The following TMEM270 variants were observed in gnomAD, a reference collection of about 807,000 sequenced individuals.
TMEM270 encodes Williams-Beuren syndrome chromosome region 28.
Under a neutral mutation model 29.9 loss-of-function variants are expected in TMEM270, and 30 were observed. That is an observed-to-expected ratio of 1.00 (90% CI 0.75 to 1.36). The LOEUF (loss-of-function observed/expected upper bound fraction) is 1.36, where lower values mean the gene tolerates loss of function less well. Ranked by LOEUF, TMEM270 falls within the 40% of genes most tolerant of loss-of-function variation. TMEM270 has a pLI of 0.00. For missense variants in TMEM270, 313 were observed against 307.1 expected, an observed-to-expected ratio of 1.02 and a Z score of -0.14; for synonymous variants, 135 against 139.8, an observed-to-expected ratio of 0.97 and a Z score of 0.24.
chr7:73,861,102 C>A, upstream of TMEM270: 1 of 1,312,482 alleles, frequency 7.6e-7, no homozygotes, highest in Non-Finnish European at 1.1e-6. Context: ...TCACTGGCGG[C>A]AACCGGGTCC....
At chr7:73,864,114 CAAAAAAA>C (rs34181696) in intron 1 of TMEM270, among the ~76,000 whole-genome samples, 79 of 81,006 alleles carry the variant, frequency 9.8e-4, no homozygotes, top group African/African-American at 3.6e-3. Context: ...CCCGCCTCTA[CAAAAAAA>C]AAAAAAAAAA....
At chr7:73,862,534 A>G (rs1788811340) in intron 1 of TMEM270, among the ~76,000 whole-genome samples, 1 of 151,526 alleles carries the variant, frequency 6.6e-6, no homozygotes, top group Non-Finnish European at 1.5e-5. Flanking sequence ...ATCATATAAC[A>G]GGGGGCAGTT....
chr7:73,861,505 A>G (rs1788784227), intron 1 of TMEM270: 2 of 635,746 alleles, frequency 3.1e-6, no homozygotes, highest in African/African-American at 1.8e-5. Context: ...CCTGGAGCGC[A>G]GTGGTGCCGG....
intron 1 of TMEM270, among the ~76,000 whole-genome samples, chr7:73,862,125 T>TC (rs1788801363): frequency 1.3e-5 from 2 of 151,440 alleles, no homozygotes; most frequent in Admixed American, 6.6e-5. Flanking sequence ...TTTTTTTTTT[T>TC]CAGATGCAGT....
At position 73,865,437 on chromosome 7, in the gene TMEM270, G is replaced by A; in HGVS notation, c.501+16G>A. The A allele has an allele frequency of 6.2e-7, 1 of 1,601,034 alleles. No individual in the cohort carries two copies. Among genetic ancestry groups the A allele is most frequent in the Non-Finnish European group, 8.5e-7 (1 of 1,172,830 alleles). ...GCTCAGTAAGGTGGGTGGTCTCGGG[G>A]TGAGGCTGGGGTGTGGAGGGCAAAC... On this transcript the variant is annotated intron_variant, in intron 2 of 2. Coordinates refer to ENST00000320531, the MANE Select transcript of TMEM270 (RefSeq NM_182504.4).
chr7:73,865,501 A>G (rs1308624318), intron 2 of TMEM270, 76 bp from the exon 3 acceptor site: 4 of 1,578,702 alleles, frequency 2.5e-6, no homozygotes, highest in Non-Finnish European at 3.4e-6. Context: ...CTGGGCTTGC[A>G]GGGGGGAGCC....
Position 73,865,329 on chromosome 7 carries a change from G to A in TMEM270, c.409G>A (p.Gly137Ser), listed in dbSNP as rs73142829. 0.046 allele frequency: 74,805 copies of A among 1,613,500 alleles called. 2,029 individuals are homozygous for A. Among genetic ancestry groups the A allele is most frequent in the Non-Finnish European group, 0.052 (61,239 of 1,179,988 alleles). ...AGATCTGTTTTTGTCATGTCTGCAC[G>A]GCCTGATGTTGGTGGCCTTGCTCTT... ...WTDLFLSCLH[G>S]LMLVALLLVV... Residue 137 changes from glycine to serine, a missense_variant, in exon 2 of 3, where the codon GGC (glycine) becomes AGC (serine). Gly to Ser is a moderately conservative substitution (Grantham distance 56). Coordinates refer to ENST00000320531, the MANE Select transcript of TMEM270 (RefSeq NM_182504.4).
At chr7:73,865,491 C>A in intron 2 of TMEM270, 70 bp downstream of exon 2, 2 of 1,580,056 alleles carry the variant, frequency 1.3e-6, no homozygotes, top group East Asian at 4.5e-5. Flanking sequence ...TCAGGGCTGG[C>A]TGGGCTTGCA....
intron 1 of TMEM270, chr7:73,861,710 G>A: frequency 3.6e-6 from 1 of 278,612 alleles, no homozygotes; most frequent in East Asian, 9.3e-5. Context: ...GCTTCCTGAG[G>A]TGCTGGGATT....
chr7:73,865,560 C>A lies in TMEM270; in HGVS notation c.502-17C>A. ...GAGCTCCTAAGGGCCACCTGCCCAT[C>A]TGTCTCCCTGTTCCAGGCCTTGCAA... On this transcript the variant is annotated splice_polypyrimidine_tract_variant and intron_variant, in intron 2 of 2. Transcript: ENST00000320531. The A allele has an allele frequency of 6.2e-7, 1 of 1,610,256 alleles. No individual in the cohort carries two copies. The highest frequency in any genetic ancestry group is 1.1e-5 in the South Asian group (1 of 90,690).
At chr7:73,862,442 G>A (rs1445815299) in intron 1 of TMEM270, among the ~76,000 whole-genome samples, 1 of 151,816 alleles carries the variant, frequency 6.6e-6, no homozygotes, top group Non-Finnish European at 1.5e-5. Flanking sequence ...GCTTGTGGTC[G>A]GGGTCACAAC....
At chr7:73,862,102 ATCTC>A (rs1380692929) in intron 1 of TMEM270, among the ~76,000 whole-genome samples, 10 of 141,426 alleles carry the variant, frequency 7.1e-5, no homozygotes, top group African/African-American at 2.6e-4. Context: ...TGGCTCATTC[ATCTC>A]TCTCTCTTTT....
At chr7:73,863,514 C>T (rs1413370806) in intron 1 of TMEM270, among the ~76,000 whole-genome samples, 6 of 152,090 alleles carry the variant, frequency 3.9e-5, no homozygotes, top group Middle Eastern at 6.8e-3. Flanking sequence ...CTCAGCCTCC[C>T]GAGTAGCTGG....
Position 73,865,030 on chromosome 7 carries a change from T to A in TMEM270, c.110T>A (p.Leu37His), listed in dbSNP as rs1276114202. 7.9e-6 allele frequency: 12 copies of A among 1,514,096 alleles called. No individual in the cohort carries two copies. The highest frequency in any genetic ancestry group is 1.1e-5 in the Non-Finnish European group (12 of 1,131,024). 93.8% of individuals were successfully genotyped at this position (1,514,096 alleles called of 1,614,324 possible). The part of the protein sequence containing the change: ...QNRDHLYNFL[L>H]LKINLFNHWV... ...CGAGATCACCTCTATAATTTCCTGC[T>A]CCTCAAGATCAACCTCTTCAACCAC... Residue 37 changes from leucine to histidine, a missense_variant, in exon 2 of 3, where the codon CTC (leucine) becomes CAC (histidine). Transcript: ENST00000320531.
intron 1 of TMEM270, 115 bp from the exon 2 acceptor site, chr7:73,864,878 G>A: frequency 2.1e-6 from 2 of 960,668 alleles, no homozygotes; most frequent in Non-Finnish European, 2.9e-6. Flanking sequence ...ATTCCAGCCT[G>A]GGCAACAAGA....
At chr7:73,863,832 C>T (rs560160153) in intron 1 of TMEM270, among the ~76,000 whole-genome samples, 1 of 152,238 alleles carries the variant, frequency 6.6e-6, no homozygotes, top group African/African-American at 2.4e-5. Flanking sequence ...CTCCTGATGC[C>T]AGGGGACAAC....
In TMEM270 at chr7:73,865,557, C is replaced by A. The variant is rs1788889582; in HGVS notation, c.502-20C>A. ...TATGAGCTCCTAAGGGCCACCTGCC[C>A]ATCTGTCTCCCTGTTCCAGGCCTTG... On this transcript the variant is annotated intron_variant, in intron 2 of 2. Coordinates refer to ENST00000320531, the MANE Select transcript of TMEM270 (RefSeq NM_182504.4). The A allele has an allele frequency of 4.3e-6, 7 of 1,609,496 alleles. No individual in the cohort carries two copies. In the East Asian group the frequency reaches 1.6e-4, roughly 36 times the overall value.
upstream of TMEM270, chr7:73,861,033 C>T (rs573179209): frequency 1.9e-4 from 135 of 695,210 alleles, no homozygotes; most frequent in African/African-American, 2.0e-3. Flanking sequence ...TGGGCTCAGA[C>T]GTGGACTGAG....
In TMEM270 at chr7:73,865,379, T is replaced by TC; in HGVS notation, c.460dup (p.Gln154ProfsTer14). ...TGGTGGTAGTGACCTGGAGGGTGTG[T>TC]CAGAAGTCCCACTGCTTCCGACTGG... On this transcript the variant is annotated frameshift_variant, in exon 2 of 3. Transcript: ENST00000320531. LOFTEE classifies it high-confidence loss of function. 2 of 1,613,426 alleles carry TC rather than the reference T, an allele frequency of 1.2e-6. No individual in the cohort carries two copies. The highest frequency in any genetic ancestry group is 1.7e-6 in the Non-Finnish European group (2 of 1,179,830).
Sources: allele counts gnomAD v4.1 joint callset (sites outside exome capture counted in the v4.1 genomes callset), GRCh38; gene constraint gnomAD v4.1.1; transcripts MANE v1.5; gene names NCBI Gene and HGNC (gene_info 2026-07-23, HGNC 2026-07-21).